The following HS3ST2 variants were observed in gnomAD, a reference collection of about 807,000 sequenced individuals.
HS3ST2 encodes heparan sulfate-glucosamine 3-sulfotransferase 2, also known as heparan sulfate glucosamine 3-O-sulfotransferase 2.
A neutral mutation model predicts 26.3 loss-of-function variants in HS3ST2; 17 were observed. The ratio of observed to expected loss-of-function variants is 0.65; its 90% CI spans 0.44 to 0.97. The LOEUF is 0.97. Among genes scored for constraint, HS3ST2 ranks in the 50% least tolerant of loss-of-function variants. The pLI is 0.00. For missense variants in HS3ST2, 402 were observed against 501.2 expected (o/e 0.80, Z 1.89); for synonymous variants, 237 against 219.2 (o/e 1.08, Z -0.72).
intron 1 of HS3ST2, among the ~76,000 whole-genome samples, chr16:22,850,809 C>G (rs1183269109): frequency 6.6e-6 from 1 of 152,052 alleles, no homozygotes; most frequent in Non-Finnish European, 1.5e-5. Context: ...CAACAGAAAA[C>G]AAAACACCAA....
chr16:22,814,690 C>T lies in HS3ST2; in HGVS notation c.80C>T (p.Ser27Leu). 1 of 1,604,692 alleles carries T rather than the reference C, an allele frequency of 6.2e-7. No homozygotes were observed. Among genetic ancestry groups the T allele is most frequent in the South Asian group, 1.1e-5 (1 of 89,482 alleles). ...ARRLLFAFTL[S>L]LSCTYLCYSF... ...AGGCTGCTCTTCGCCTTCACGCTCTCGCTCTCCTGCACTTACCTGTGTTAC... is the reference window on the plus strand; with the variant it reads ...AGGCTGCTCTTCGCCTTCACGCTCTTGCTCTCCTGCACTTACCTGTGTTAC... Residue 27 changes from serine to leucine, a missense_variant, in exon 1 of 2, where the codon TCG becomes TTG. By Grantham distance (145) the Ser-to-Leu change is moderately radical. This residue lies in a region of HS3ST2 where 165 missense variants were observed against 154.6 expected (regional missense o/e 1.07). Coordinates refer to ENST00000261374, the MANE Select transcript of HS3ST2 (RefSeq NM_006043.2).
chr16:22,844,008 TACACACACACAC>T (rs71876208), intron 1 of HS3ST2, among the ~76,000 whole-genome samples: 28 of 148,530 alleles, frequency 1.9e-4, no homozygotes, highest in East Asian at 1.0e-3. Context: ...GATGAAAACC[TACACACACACAC>T]ACACACACAC....
chr16:22,892,090 C>A (rs208616), intron 1 of HS3ST2, among the ~76,000 whole-genome samples: 1 of 144,680 alleles, frequency 6.9e-6, no homozygotes, highest in Non-Finnish European at 1.5e-5. Flanking sequence ...CTGGCCAACA[C>A]GGTGAAACCC....
At position 22,857,303 on chromosome 16, in the gene HS3ST2, G is replaced by A. The variant is rs113144625; in HGVS notation, c.485+42208G>A. ...AGACGCTTCTTGCATCTTTCCACACGTATGTTACCCAACCACCGTCTTCTT... is the reference window on the plus strand; with the variant it reads ...AGACGCTTCTTGCATCTTTCCACACATATGTTACCCAACCACCGTCTTCTT... On this transcript the variant is annotated intron_variant, in intron 1 of 1. Transcript: ENST00000261374. 5.3e-3 allele frequency among the ~76,000 whole-genome samples: 812 copies of A among 152,194 alleles called. 3 individuals carry two copies. Among genetic ancestry groups the A allele is most frequent in the African/African-American group, 0.019 (773 of 41,510 alleles).
At chr16:22,900,477 G>A (rs1424154288) in intron 1 of HS3ST2, among the ~76,000 whole-genome samples, 1 of 152,134 alleles carries the variant, frequency 6.6e-6, no homozygotes. Context: ...AGAGAGCTGT[G>A]GTGGGTCCTG....
intron 1 of HS3ST2, among the ~76,000 whole-genome samples, chr16:22,865,049 C>CAAAAAAA (rs59256411): frequency 5.0e-4 from 25 of 50,046 alleles, no homozygotes; most frequent in Admixed American, 1.3e-3. Context: ...GACCCTATCT[C>CAAAAAAA]AAAAAAAAAA....
At chr16:22,821,478 G>T (rs1437810713) in intron 1 of HS3ST2, among the ~76,000 whole-genome samples, 6 of 151,908 alleles carry the variant, frequency 3.9e-5, no homozygotes, top group Non-Finnish European at 8.8e-5. Context: ...CTATTGATCA[G>T]ATCCCCTGGA....
chr16:22,844,859 CT>C (rs927503503), intron 1 of HS3ST2, among the ~76,000 whole-genome samples: 318 of 145,080 alleles, frequency 2.2e-3, no homozygotes, highest in Admixed American at 2.7e-3. Flanking sequence ...TCTTTTCTTT[CT>C]TTTTTTTTTT....
At chr16:22,815,122 C>A (rs755615445) in intron 1 of HS3ST2, 27 bp downstream of exon 1, 1 of 1,605,038 alleles carries the variant, frequency 6.2e-7, no homozygotes, top group South Asian at 1.1e-5. Context: ...CCGCTCCGTG[C>A]GCCGGGTCTC....
intron 1 of HS3ST2, among the ~76,000 whole-genome samples, chr16:22,829,371 G>C (rs1456097995): frequency 2.6e-5 from 4 of 152,116 alleles, no homozygotes; most frequent in South Asian, 2.1e-4. Context: ...TAGGGTATTT[G>C]GTCCCATTTA....
At chr16:22,830,452 C>T (rs1287418884) in intron 1 of HS3ST2, among the ~76,000 whole-genome samples, 1 of 152,136 alleles carries the variant, frequency 6.6e-6, no homozygotes, top group Non-Finnish European at 1.5e-5. Flanking sequence ...TTCTGTTCAC[C>T]CTTGATCAGT....
chr16:22,838,054 AAT>A (rs1257598200), intron 1 of HS3ST2, among the ~76,000 whole-genome samples: 2 of 152,286 alleles, frequency 1.3e-5, no homozygotes, highest in Non-Finnish European at 2.9e-5. Flanking sequence ...TTCAAAGAAA[AAT>A]ATAAAGTAAA....
chr16:22,827,871 G>A (rs1294324495), intron 1 of HS3ST2, among the ~76,000 whole-genome samples: 2 of 151,508 alleles, frequency 1.3e-5, no homozygotes, highest in Admixed American at 6.6e-5. Flanking sequence ...CACCATGCCC[G>A]GCTAATTTTT....
At chr16:22,899,078 G>C (rs915112588) in intron 1 of HS3ST2, among the ~76,000 whole-genome samples, 1 of 152,360 alleles carries the variant, frequency 6.6e-6, no homozygotes, top group East Asian at 1.9e-4. Flanking sequence ...ATACCCCCGG[G>C]AGACTGAAGT....
At chr16:22,910,108 C>A (rs532780124) in intron 1 of HS3ST2, among the ~76,000 whole-genome samples, 1 of 150,730 alleles carries the variant, frequency 6.6e-6, no homozygotes, top group South Asian at 2.1e-4. Context: ...CACTTTAGTG[C>A]ACAGATGGGG....
In HS3ST2 at chr16:22,870,579, C is replaced by T. The variant is rs117438381; in HGVS notation, c.486-44365C>T. 9.7e-4 allele frequency among the ~76,000 whole-genome samples: 148 copies of T among 152,324 alleles called. 1 individual carries two copies. The East Asian group carries it at 0.026, about 27-fold the overall frequency. On this transcript the variant is annotated intron_variant, in intron 1 of 1. Transcript: ENST00000261374. ...CTGTTTGTCTCTCTGATCTCCTCCC[C>T]TGCTACTCTCTTTTGCCTGTTCTGT...
chr16:22,877,497 A>T (rs1406061354), intron 1 of HS3ST2, among the ~76,000 whole-genome samples: 5 of 152,162 alleles, frequency 3.3e-5, no homozygotes, highest in Admixed American at 6.5e-5. Context: ...TGCAGAGTGG[A>T]GGATGCATGT....
chr16:22,899,747 G>C (rs117962421), intron 1 of HS3ST2, among the ~76,000 whole-genome samples: 2 of 152,168 alleles, frequency 1.3e-5, no homozygotes, highest in African/African-American at 4.8e-5. Context: ...AGCATGTGCA[G>C]GGGAATTCCC....
chr16:22,908,031 G>A (rs913172613), intron 1 of HS3ST2, among the ~76,000 whole-genome samples: 1 of 152,162 alleles, frequency 6.6e-6, no homozygotes, highest in Non-Finnish European at 1.5e-5. Context: ...GGGAGCTGAG[G>A]CAGGAGGATT....
Sources: allele counts gnomAD v4.1 joint callset (sites outside exome capture counted in the v4.1 genomes callset), GRCh38; gene constraint gnomAD v4.1.1; regional missense constraint gnomAD v4.1.1; transcripts MANE v1.5; gene names NCBI Gene and HGNC (gene_info 2026-07-23, HGNC 2026-07-21).